Variants in NWD2 observed in about 807,000 individuals in gnomAD.
NWD2 encodes NACHT and WD repeat domain containing 2, also known as NACHT and WD repeat domain-containing protein 2.
Under a neutral mutation model 132.7 loss-of-function variants are expected in NWD2, and 37 were observed. The ratio of observed to expected loss-of-function variants is 0.28; its 90% confidence interval spans 0.21 to 0.37. NWD2 has a LOEUF of 0.37. Among genes scored for constraint, NWD2 ranks in the 10% least tolerant of loss-of-function variants. NWD2 has a pLI of 1.00. For synonymous variants in NWD2, 705 were observed against 803.0 expected, an observed-to-expected ratio of 0.88 and a Z score of 2.06; for missense variants, 1,592 against 2,122.4, an observed-to-expected ratio of 0.75 and a Z score of 4.91.
rs78875065 is a variant in NWD2, at chr4:37,352,571, G to A, written c.241-3795G>A. Among the ~76,000 whole-genome samples the A allele has an allele frequency of 1.0e-2, 1,521 of 152,280 alleles. 42 individuals carry two copies. The highest frequency in any genetic ancestry group is 0.048 in the Admixed American group (733 of 15,290). ...CTGTATTGGGTGCATATATATTCAG[G>A]ATAGTTAGCTCTCGTTGCATTGATC... On this transcript the variant is annotated intron_variant, in intron 2 of 6. Transcript: ENST00000309447.
intron 2 of NWD2, among the ~76,000 whole-genome samples, chr4:37,341,422 A>G (rs1320397803): frequency 6.6e-6 from 1 of 152,258 alleles, no homozygotes; most frequent in African/African-American, 2.4e-5. Flanking sequence ...ATGTAAATAT[A>G]TGTGCATGTG....
chr4:37,252,592 A>G (rs1195792736), intron 1 of NWD2, among the ~76,000 whole-genome samples: 1 of 152,122 alleles, frequency 6.6e-6, no homozygotes, highest in Non-Finnish European at 1.5e-5. Flanking sequence ...CTTCTGTTCC[A>G]TGGGGTATTG....
At chr4:37,331,742 A>T (rs913450572) in intron 2 of NWD2, among the ~76,000 whole-genome samples, 1 of 152,220 alleles carries the variant, frequency 6.6e-6, no homozygotes, top group Admixed American at 6.5e-5. Flanking sequence ...TGATCCCAGT[A>T]CCTGGTTTTA....
At chr4:37,302,659 C>T (rs1447801644) in intron 1 of NWD2, among the ~76,000 whole-genome samples, 1 of 151,920 alleles carries the variant, frequency 6.6e-6, no homozygotes, top group Admixed American at 6.6e-5. Context: ...GCCATTTTAA[C>T]TGGGGTGAGA....
At chr4:37,344,886 C>T (rs1480726513) in intron 2 of NWD2, among the ~76,000 whole-genome samples, 1 of 152,186 alleles carries the variant, frequency 6.6e-6, no homozygotes, top group Non-Finnish European at 1.5e-5. Flanking sequence ...TTCTCCTCCT[C>T]ACTAGCCCTA....
intron 3 of NWD2, among the ~76,000 whole-genome samples, chr4:37,417,844 T>C (rs2109321571): frequency 6.6e-6 from 1 of 152,318 alleles, no homozygotes; most frequent in Admixed American, 6.5e-5. Flanking sequence ...AAGTTGGAGA[T>C]ATTTGCTTAT....
intron 1 of NWD2, among the ~76,000 whole-genome samples, chr4:37,296,689 G>T (rs374695434): frequency 3.3e-5 from 5 of 152,140 alleles, no homozygotes; most frequent in Middle Eastern, 3.4e-3. Context: ...AGACTCAGGA[G>T]CCAGAGTGGA....
Position 37,439,527 on chromosome 4 carries a change from G to A in NWD2, c.1296+137G>A. On this transcript the variant is annotated intron_variant, in intron 6 of 6. Coordinates refer to ENST00000309447, the MANE Select transcript of NWD2 (RefSeq NM_001144990.2). The surrounding 1 kb of genome is among the most constrained non-coding windows in gnomAD (Gnocchi z 4.5). The stretch of plus-strand genomic sequence containing the variant: ...GTCTTTTAGGAGTGAATACTGCAGT[G>A]CTTCTTTTTTGCTGGTATAACAGTT... The A allele has an allele frequency of 1.7e-6, 1 of 584,832 alleles. No individual in the cohort carries two copies. Among genetic ancestry groups the A allele is most frequent in the Non-Finnish European group, 2.8e-6 (1 of 354,530 alleles). The allele number at this position is 584,832 out of a possible 1,614,324, so 36.2% of individuals were successfully genotyped here. A position where few individuals can be genotyped will look rare whatever the true frequency, so the allele number is the denominator to read the frequency against.
chr4:37,411,262 AAAG>A (rs1721151527), intron 3 of NWD2, among the ~76,000 whole-genome samples: 1 of 152,176 alleles, frequency 6.6e-6, no homozygotes, highest in Admixed American at 6.5e-5. Context: ...AGGAAAGAGA[AAAG>A]AATCAAATAG....
chr4:37,381,451 C>T (rs1365528382), intron 3 of NWD2, among the ~76,000 whole-genome samples: 1 of 152,186 alleles, frequency 6.6e-6, no homozygotes, highest in Non-Finnish European at 1.5e-5. Context: ...TGGGTTATCC[C>T]TCTGTATGGC....
At chr4:37,402,541 T>A (rs1214371894) in intron 3 of NWD2, among the ~76,000 whole-genome samples, 3 of 152,210 alleles carry the variant, frequency 2.0e-5, no homozygotes, top group Non-Finnish European at 2.9e-5. Context: ...CATCAGACAT[T>A]GTCTTCTGTA....
intron 1 of NWD2, among the ~76,000 whole-genome samples, chr4:37,276,870 A>G (rs535460449): frequency 6.6e-6 from 1 of 152,242 alleles, no homozygotes; most frequent in Non-Finnish European, 1.5e-5. Flanking sequence ...CATTCTCAGC[A>G]AACTATCTCA....
At chr4:37,249,246 C>G (rs1280989673) in intron 1 of NWD2, among the ~76,000 whole-genome samples, 2 of 152,192 alleles carry the variant, frequency 1.3e-5, no homozygotes. Flanking sequence ...GTTTGGCCAT[C>G]AAGGACTCAG....
intron 1 of NWD2, among the ~76,000 whole-genome samples, chr4:37,311,976 C>A (rs1450591896): frequency 2.0e-5 from 3 of 151,076 alleles, no homozygotes; most frequent in East Asian, 3.9e-4. Flanking sequence ...CTGCTCTGTT[C>A]CATTGATCTA....
At chr4:37,430,822 T>G in intron 4 of NWD2, 47 bp downstream of exon 4, 1 of 1,476,144 alleles carries the variant, frequency 6.8e-7, no homozygotes, top group Non-Finnish European at 9.3e-7. Context: ...ATTACTACAT[T>G]TGTTACCATT....
intron 3 of NWD2, among the ~76,000 whole-genome samples, chr4:37,419,485 T>G (rs903743286): frequency 1.3e-5 from 2 of 152,006 alleles, no homozygotes; most frequent in Admixed American, 6.6e-5. Context: ...GGGAGAAAAT[T>G]TTTGCAATCT....
At chr4:37,321,292 C>A (rs1439918568) in intron 1 of NWD2, among the ~76,000 whole-genome samples, 1 of 152,162 alleles carries the variant, frequency 6.6e-6, no homozygotes, top group Admixed American at 6.6e-5. Context: ...TTAATCTAAA[C>A]CCTTGCTGAA....
intron 3 of NWD2, among the ~76,000 whole-genome samples, chr4:37,421,724 A>G (rs1711814408): frequency 6.6e-6 from 1 of 152,256 alleles, no homozygotes; most frequent in Non-Finnish European, 1.5e-5. Context: ...TTTTACGATC[A>G]CTGCCAAACA....
At chr4:37,440,455 C>G (rs752811966) in intron 6 of NWD2, among the ~76,000 whole-genome samples, 1 of 152,146 alleles carries the variant, frequency 6.6e-6, no homozygotes, top group African/African-American at 2.4e-5. Flanking sequence ...AGTCACTCAG[C>G]CTTCATGGTT....
Sources: gnomAD v4.1 joint callset for allele counts (sites outside exome capture counted in the v4.1 genomes callset) on GRCh38, gnomAD v4.1.1 for gene constraint, Gnocchi (gnomAD v3.1) non-coding constraint, MANE v1.5 for transcripts, NCBI Gene and HGNC (gene_info 2026-07-23, HGNC 2026-07-21) for gene names.